The following UBE2E3 variants were observed in gnomAD, a reference collection of about 807,000 sequenced individuals.
The protein encoded by UBE2E3 is ubiquitin conjugating enzyme E2 E3.
Under a neutral mutation model 23.6 loss-of-function variants are expected in UBE2E3, and 5 were observed. The ratio of observed to expected loss-of-function variants is 0.21; its 90% confidence interval spans 0.11 to 0.44. The LOEUF (loss-of-function observed/expected upper bound fraction) is 0.44. Among genes scored for constraint, UBE2E3 ranks in the 20% least tolerant of loss-of-function variants. The pLI is 0.99. For missense variants in UBE2E3, 81 were observed against 249.8 expected (o/e 0.32, Z 4.55); for synonymous variants, 78 against 87.5 (o/e 0.89, Z 0.60).
chr2:181,060,877 T>C (rs1687131425), intron 5 of UBE2E3, 65 bp downstream of exon 5: 1 of 1,288,824 alleles, frequency 7.8e-7, no homozygotes, highest in African/African-American at 1.6e-5. Flanking sequence ...TTTTTTTTTT[T>C]TTTTTTTTTT....
chr2:181,031,227 T>G (rs1454227508), intron 3 of UBE2E3, among the ~76,000 whole-genome samples: 3 of 152,190 alleles, frequency 2.0e-5, no homozygotes, highest in African/African-American at 7.2e-5. Context: ...CTTCTCTGAT[T>G]GTTACATATA....
intron 4 of UBE2E3, among the ~76,000 whole-genome samples, chr2:181,060,337 C>A (rs1687106890): frequency 6.6e-6 from 1 of 151,680 alleles, no homozygotes; most frequent in Admixed American, 6.6e-5. Flanking sequence ...TTCTGTCTTT[C>A]TGTATGTATG....
At chr2:181,020,996 TA>T (rs1201709968) in intron 3 of UBE2E3, among the ~76,000 whole-genome samples, 1 of 152,202 alleles carries the variant, frequency 6.6e-6, no homozygotes, top group Admixed American at 6.5e-5. Flanking sequence ...AATATTTGTG[TA>T]TGCATTTGAA....
At chr2:181,056,206 T>A (rs927012360) in intron 3 of UBE2E3, among the ~76,000 whole-genome samples, 1 of 151,616 alleles carries the variant, frequency 6.6e-6, no homozygotes, top group African/African-American at 2.4e-5. Context: ...TAATGACTTA[T>A]AAAGCATTGG....
At chr2:181,020,609 T>C (rs1175086978) in intron 3 of UBE2E3, among the ~76,000 whole-genome samples, 1 of 152,236 alleles carries the variant, frequency 6.6e-6, no homozygotes, top group Non-Finnish European at 1.5e-5. Context: ...ACTACGACTT[T>C]TCCATCTGCT....
At chr2:180,988,638 C>G (rs764128145) in intron 3 of UBE2E3, among the ~76,000 whole-genome samples, 1 of 152,142 alleles carries the variant, frequency 6.6e-6, no homozygotes, top group Non-Finnish European at 1.5e-5. Context: ...TACCTAACCC[C>G]ATAGCATTCT....
At chr2:181,013,381 T>TA (rs1685390852) in intron 3 of UBE2E3, among the ~76,000 whole-genome samples, 1 of 152,146 alleles carries the variant, frequency 6.6e-6, no homozygotes, top group South Asian at 2.1e-4. Context: ...CAGCAGGCTG[T>TA]AGCTGTCTGA....
At chr2:181,043,179 G>T (rs146141449) in intron 3 of UBE2E3, among the ~76,000 whole-genome samples, 246 of 152,312 alleles carry the variant, frequency 1.6e-3, no homozygotes, top group African/African-American at 5.5e-3. Context: ...GTTCCAACAT[G>T]ATGCTACGAG....
chr2:181,028,164 TTAA>T (rs1323922443), intron 3 of UBE2E3, among the ~76,000 whole-genome samples: 2 of 152,124 alleles, frequency 1.3e-5, no homozygotes, highest in African/African-American at 2.4e-5. Flanking sequence ...TAATTACCTA[TTAA>T]TGTAATTATT....
chr2:181,024,891 A>G (rs1685830111), intron 3 of UBE2E3, among the ~76,000 whole-genome samples: 1 of 152,004 alleles, frequency 6.6e-6, no homozygotes, highest in Non-Finnish European at 1.5e-5. Flanking sequence ...AGCAATTTCA[A>G]AGGTAGAATT....
chr2:181,034,595 G>A (rs370058301), intron 3 of UBE2E3, among the ~76,000 whole-genome samples: 1 of 152,264 alleles, frequency 6.6e-6, no homozygotes, highest in Non-Finnish European at 1.5e-5. Flanking sequence ...GTTAATGGGT[G>A]CAGCACACCA....
At chr2:181,041,655 C>A (rs1686508720) in intron 3 of UBE2E3, among the ~76,000 whole-genome samples, 1 of 151,668 alleles carries the variant, frequency 6.6e-6, no homozygotes, top group African/African-American at 2.4e-5. Flanking sequence ...CCAGGCTGGT[C>A]TCGAACTCCT....
chr2:181,061,670 C>A (rs1298848429), intron 5 of UBE2E3, among the ~76,000 whole-genome samples: 1 of 151,404 alleles, frequency 6.6e-6, no homozygotes, highest in South Asian at 2.1e-4. Context: ...TAATTCATAA[C>A]TTTAAAAAAT....
At chr2:181,011,302 A>AAG (rs933233473) in intron 3 of UBE2E3, among the ~76,000 whole-genome samples, 1 of 152,036 alleles carries the variant, frequency 6.6e-6, no homozygotes, top group African/African-American at 2.4e-5. Flanking sequence ...GGCAGAGTTC[A>AAG]AGAGAGAGAG....
At chr2:181,044,676 ATCT>A (rs1274459879) in intron 3 of UBE2E3, among the ~76,000 whole-genome samples, 2 of 152,116 alleles carry the variant, frequency 1.3e-5, no homozygotes, top group African/African-American at 2.4e-5. Context: ...TAGTGTATTG[ATCT>A]TCTTAATGCA....
chr2:181,037,296 A>AT (rs1686325557), intron 3 of UBE2E3, among the ~76,000 whole-genome samples: 1 of 152,068 alleles, frequency 6.6e-6, no homozygotes, highest in Non-Finnish European at 1.5e-5. Flanking sequence ...TGTACTCCTT[A>AT]TTTTTTTAAA....
intron 3 of UBE2E3, among the ~76,000 whole-genome samples, chr2:181,029,255 G>A (rs1214625606): frequency 6.6e-6 from 1 of 151,984 alleles, no homozygotes; most frequent in Non-Finnish European, 1.5e-5. Flanking sequence ...AGTAGGACAA[G>A]TATCTGTATT....
Position 180,984,104 on chromosome 2 carries a change from A to C in UBE2E3, c.245+11A>C. The stretch of plus-strand genomic sequence containing the variant: ...TCCTCCTAATTGCAGGTAAGAAATG[A>C]ATTTTGTTGTTTTGGTTTCAAATTG... On this transcript the variant is annotated intron_variant, in intron 3 of 5. Transcript: ENST00000410062. 1 of 1,608,086 alleles carries C rather than the reference A, an allele frequency of 6.2e-7. No individual in the cohort carries two copies. The highest frequency in any genetic ancestry group is 1.1e-5 in the South Asian group (1 of 90,118).
chr2:180,992,723 G>A lies in UBE2E3; in HGVS notation c.245+8630G>A, dbSNP rs148373622. Among the ~76,000 whole-genome samples the A allele has an allele frequency of 4.6e-3, 697 of 151,980 alleles. 5 individuals are homozygous for A. Among genetic ancestry groups the A allele is most frequent in the African/African-American group, 0.016 (651 of 41,418 alleles). On this transcript the variant is annotated intron_variant, in intron 3 of 5. Transcript: ENST00000410062. ...GTTACCCAGGCTAGAGTGAAATGGC[G>A]CAATGTCAGCTCACCGCAACCTCTG...
Sources: allele counts gnomAD v4.1 joint callset (sites outside exome capture counted in the v4.1 genomes callset), GRCh38; gene constraint gnomAD v4.1.1; transcripts MANE v1.5; gene names NCBI Gene and HGNC (gene_info 2026-07-23, HGNC 2026-07-21).